The following SAG variants were observed in gnomAD, a reference collection of about 807,000 sequenced individuals.
SAG encodes the protein S-arrestin.
Under a neutral mutation model 55.0 loss-of-function variants are expected in SAG, and 45 were observed. That is an observed-to-expected ratio of 0.82 (90% CI 0.64 to 1.05). SAG has a LOEUF of 1.05. Among genes scored for constraint, SAG ranks in the 50% least tolerant of loss-of-function variants. The probability of loss-of-function intolerance (pLI) is 0.00; values close to 1 mark genes in which losing one functional copy is unlikely to be tolerated. For missense variants in SAG, 455 were observed against 512.1 expected (o/e 0.89, Z 1.08); for synonymous variants, 189 against 197.4 (o/e 0.96, Z 0.36).
intron 13 of SAG, among the ~76,000 whole-genome samples, chr2:233,341,969 A>G (rs988152581): frequency 4.6e-5 from 7 of 152,090 alleles, no homozygotes; most frequent in Non-Finnish European, 1.0e-4. Flanking sequence ...TTAAAAATAC[A>G]AAAATTAGCC....
rs376625094 is a variant in SAG, at chr2:233,340,431, C to T, written c.1023-24C>T. ...GTGTTACCACTGTGACAGTTAACGA[C>T]AGGCGTTTGTTTGTGTTTTCTAGCT... On this transcript the variant is annotated intron_variant, in intron 12 of 15. Coordinates refer to ENST00000409110, the MANE Select transcript of SAG (RefSeq NM_000541.5). The surrounding 1 kb of genome is among the most constrained non-coding windows in gnomAD (Gnocchi z 4.2). The T allele has an allele frequency of 6.2e-7, 1 of 1,607,936 alleles. No homozygotes were observed.
At chr2:233,321,956 A>G (rs1336786085) in intron 5 of SAG, among the ~76,000 whole-genome samples, 2 of 150,960 alleles carry the variant, frequency 1.3e-5, no homozygotes, top group Non-Finnish European at 2.9e-5. Flanking sequence ...CATCTTGGCT[A>G]ACATGGTGAA....
intron 6 of SAG, 94 bp downstream of exon 6, chr2:233,323,099 C>G: frequency 1.2e-6 from 1 of 816,504 alleles, no homozygotes; most frequent in Admixed American, 2.3e-5. Flanking sequence ...TACTCTGTCA[C>G]CAATGCTGGG....
At chr2:233,331,590 C>T (rs777856997) in intron 9 of SAG, 50 bp from the exon 10 acceptor site, 23 of 1,205,384 alleles carry the variant, frequency 1.9e-5, no homozygotes, top group South Asian at 1.1e-4. Flanking sequence ...GGAAAGTGCA[C>T]GTGTTGGGGG....
At chr2:233,328,883 A>C in intron 8 of SAG, 1 of 402,492 alleles carries the variant, frequency 2.5e-6, no homozygotes, top group Non-Finnish European at 4.4e-6. Context: ...TGCTTTTCAC[A>C]TACCTGCCCC....
chr2:233,323,130 C>T, intron 6 of SAG, 125 bp downstream of exon 6: 1 of 684,084 alleles, frequency 1.5e-6, no homozygotes, highest in South Asian at 1.7e-5. Flanking sequence ...GTGATCTTGG[C>T]TCACTGCAAC....
intron 6 of SAG, among the ~76,000 whole-genome samples, chr2:233,323,226 T>C (rs552177407): frequency 6.6e-6 from 1 of 152,282 alleles, no homozygotes; most frequent in East Asian, 1.9e-4. Context: ...GCCCAGCTAA[T>C]TTTTGTATTT....
chr2:233,342,041 A>G (rs1037497038), intron 13 of SAG, among the ~76,000 whole-genome samples: 19 of 151,550 alleles, frequency 1.3e-4, no homozygotes, highest in Non-Finnish European at 5.9e-5. Context: ...GGAGAATTGC[A>G]TGAACCCAGG....
At chr2:233,315,747 G>A (rs1700200732) in intron 2 of SAG, among the ~76,000 whole-genome samples, 1 of 149,786 alleles carries the variant, frequency 6.7e-6, no homozygotes, top group African/African-American at 2.5e-5. Flanking sequence ...CTGTTGCCCA[G>A]GCTGGAGTGC....
rs781434079 is a variant in SAG at position 233,320,808 on chromosome 2, C to T, written c.360C>T (p.Tyr120=). ...TTAAAAAGCTGGGGAGCAACACGTACCCCTTTCTCCTGACGGTGGGTGACT... is the reference window on the plus strand; with the variant it reads ...TTAAAAAGCTGGGGAGCAACACGTATCCCTTTCTCCTGACGGTGGGTGACT... The part of the protein sequence containing the change: ...SLLKKLGSNT[Y]PFLLTFPDYL... The change falls in exon 5 of 16, where the codon TAC becomes TAT. Residue 120 remains tyrosine (Y), a synonymous_variant. Coordinates refer to ENST00000409110, the MANE Select transcript of SAG (RefSeq NM_000541.5). The T allele has an allele frequency of 6.3e-7, 1 of 1,594,756 alleles. No individual in the cohort carries two copies. Among genetic ancestry groups the T allele is most frequent in the South Asian group, 1.1e-5 (1 of 87,818 alleles).
chr2:233,346,366 C>A (rs1487950140), intron 14 of SAG, 37 bp from the exon 15 acceptor site: 1 of 1,609,652 alleles, frequency 6.2e-7, no homozygotes, highest in Admixed American at 1.7e-5. Flanking sequence ...GTCTCTCTCT[C>A]CCTCTTCCCT....
intron 6 of SAG, among the ~76,000 whole-genome samples, chr2:233,326,632 T>C (rs1056539551): frequency 2.0e-5 from 3 of 150,778 alleles, no homozygotes; most frequent in Non-Finnish European, 4.4e-5. Context: ...GGTGCCTTGC[T>C]GCCTGGCCAC....
intron 8 of SAG, 188 bp from the exon 9 acceptor site, chr2:233,329,305 T>C (rs1468016950): frequency 1.8e-6 from 1 of 557,814 alleles, no homozygotes; most frequent in Non-Finnish European, 3.2e-6. Flanking sequence ...CCTCCCCAGC[T>C]TCCCACAGAT....
intron 14 of SAG, chr2:233,343,081 G>GTT (rs34180640): frequency 0.026 from 2,665 of 104,388 alleles, 85 homozygotes; most frequent in African/African-American, 0.04. Context: ...TTTTTTTGGG[G>GTT]TTTTTTTTTT....
chr2:233,309,449 A>G (rs1176452524), intron 2 of SAG, among the ~76,000 whole-genome samples, 185 bp downstream of exon 2: 1 of 152,146 alleles, frequency 6.6e-6, no homozygotes, highest in Admixed American at 6.5e-5. Flanking sequence ...GGAGTTCGAG[A>G]CCAGCCTGGC....
chr2:233,338,987 G>C (rs1478436822), intron 12 of SAG: 1 of 614,886 alleles, frequency 1.6e-6, no homozygotes, highest in Non-Finnish European at 3.0e-6. Context: ...TGCATTCTTA[G>C]CGCCACTTTG....
chr2:233,325,466 T>A (rs1391010295), intron 6 of SAG, among the ~76,000 whole-genome samples: 1 of 152,094 alleles, frequency 6.6e-6, no homozygotes. Flanking sequence ...CACGTTTGTG[T>A]CTGTTTACTG....
Position 233,319,832 on chromosome 2 carries a change from G to A in SAG, c.182-798G>A, listed in dbSNP as rs1380453857. The A allele has an allele frequency of 3.0e-6, 3 of 985,650 alleles. No individual in the cohort carries two copies. The African/African-American group carries it at 5.2e-5, about 17-fold the overall frequency. The allele number at this position is 985,650 out of a possible 1,614,324, so 61.1% of individuals were successfully genotyped here. A position where few individuals can be genotyped will look rare whatever the true frequency, so the allele number is the denominator to read the frequency against. On this transcript the variant is annotated intron_variant, in intron 4 of 15. Coordinates refer to ENST00000409110, the MANE Select transcript of SAG (RefSeq NM_000541.5). The surrounding 1 kb of genome is among the most constrained non-coding windows in gnomAD (Gnocchi z 4.4). ...AATGAGGGGCGAGTGAGTGGCCACT[G>A]TTTCTTCTGAGTCAGCAGCGAAGGG... is the stretch of plus-strand genomic sequence containing the variant.
At chr2:233,338,453 A>T in intron 11 of SAG, 1 of 566,718 alleles carries the variant, frequency 1.8e-6, no homozygotes. Flanking sequence ...GCCCTCTGGG[A>T]ACTTCTAGAG....
Sources: gnomAD v4.1 joint callset for allele counts (sites outside exome capture counted in the v4.1 genomes callset) on GRCh38, gnomAD v4.1.1 for gene constraint, Gnocchi (gnomAD v3.1) non-coding constraint, MANE v1.5 for transcripts, NCBI Gene and HGNC (gene_info 2026-07-23, HGNC 2026-07-21) for gene names.